Variants in GALNT7 observed in about 807,000 individuals in gnomAD.
GALNT7 encodes polypeptide N-acetylgalactosaminyltransferase 7.
A neutral mutation model predicts 82.1 loss-of-function variants in GALNT7; 60 were observed. That is an observed-to-expected ratio of 0.73 (90% CI 0.59 to 0.91). The LOEUF (loss-of-function observed/expected upper bound fraction) is 0.91, where lower values mean the gene tolerates loss of function less well. Among genes scored for constraint, GALNT7 ranks in the 40% least tolerant of loss-of-function variants. The pLI is 0.00. For synonymous variants in GALNT7, 243 were observed against 275.1 expected (o/e 0.88, Z 1.15); for missense variants, 660 against 804.2 (o/e 0.82, Z 2.17).
intron 2 of GALNT7, among the ~76,000 whole-genome samples, chr4:173,274,954 C>T (rs1735847903): frequency 6.6e-6 from 1 of 152,170 alleles, no homozygotes; most frequent in Admixed American, 6.5e-5. Context: ...GCAGCCAGTG[C>T]TTAGTGACTC....
Position 173,189,746 on chromosome 4 carries a change from T to G in GALNT7, c.126+20785T>G, listed in dbSNP as rs75133578. Among the ~76,000 whole-genome samples the G allele has an allele frequency of 5.3e-3, 802 of 152,354 alleles. 9 individuals are homozygous for G. The highest frequency in any genetic ancestry group is 0.019 in the African/African-American group (771 of 41,572). The stretch of plus-strand genomic sequence containing the variant: ...TTCTGTGTACAAAATTAACATTATC[T>G]ATCTTCAACATTTTTACTCCATATT... On this transcript the variant is annotated intron_variant, in intron 1 of 11. Coordinates refer to ENST00000265000, the MANE Select transcript of GALNT7 (RefSeq NM_017423.3).
intron 1 of GALNT7, among the ~76,000 whole-genome samples, chr4:173,205,354 G>A (rs1461807622): frequency 2.0e-5 from 3 of 152,034 alleles, no homozygotes; most frequent in African/African-American, 7.3e-5. Context: ...GGATGGGCCT[G>A]GTACCTAAGT....
intron 2 of GALNT7, among the ~76,000 whole-genome samples, chr4:173,290,317 C>T (rs1736488224): frequency 6.6e-6 from 1 of 152,132 alleles, no homozygotes; most frequent in African/African-American, 2.4e-5. Context: ...ATAATGTTTT[C>T]ATTCTTATTA....
At chr4:173,194,183 A>G (rs1271537900) in intron 1 of GALNT7, among the ~76,000 whole-genome samples, 1 of 152,234 alleles carries the variant, frequency 6.6e-6, no homozygotes, top group Admixed American at 6.5e-5. Flanking sequence ...AAGAGATAAT[A>G]GTAGGCTTAG....
chr4:173,286,165 T>G (rs570751289), intron 2 of GALNT7, among the ~76,000 whole-genome samples: 1 of 152,238 alleles, frequency 6.6e-6, no homozygotes, highest in East Asian at 1.9e-4. Context: ...TTAATTAAAA[T>G]TTTACAGAGA....
chr4:173,220,483 TG>T, intron 1 of GALNT7, among the ~76,000 whole-genome samples: 1 of 152,294 alleles, frequency 6.6e-6, no homozygotes, highest in South Asian at 2.1e-4. Flanking sequence ...AGCTCTTTTT[TG>T]GTTTTATTTC....
intron 1 of GALNT7, among the ~76,000 whole-genome samples, chr4:173,210,602 A>AT (rs962608177): frequency 3.1e-4 from 45 of 147,450 alleles, no homozygotes; most frequent in East Asian, 2.0e-3. Context: ...TACAGGCTAA[A>AT]TTTTTTTTTT....
At position 173,243,820 on chromosome 4, in the gene GALNT7, G is replaced by T. The variant is rs28590459; in HGVS notation, c.127-4160G>T. Among the ~76,000 whole-genome samples the T allele has an allele frequency of 5.7e-3, 864 of 152,212 alleles. 9 individuals carry two copies. Among genetic ancestry groups the T allele is most frequent in the Middle Eastern group, 0.021 (6 of 290 alleles). On this transcript the variant is annotated intron_variant, in intron 1 of 11. Transcript: ENST00000265000. ...GTTCTTGGTGAATTCATAAGGTATT[G>T]CCAGTACGGGTCTATCTGATTTAAG...
intron 11 of GALNT7, among the ~76,000 whole-genome samples, chr4:173,319,894 G>T (rs1737741844): frequency 1.3e-5 from 2 of 152,106 alleles, no homozygotes; most frequent in African/African-American, 4.8e-5. Flanking sequence ...TTTCATAGAG[G>T]AAGTGTCATT....
chr4:173,245,806 T>C (rs1734607712), intron 1 of GALNT7, among the ~76,000 whole-genome samples: 1 of 152,204 alleles, frequency 6.6e-6, no homozygotes, highest in African/African-American at 2.4e-5. Context: ...CCTTACACTT[T>C]ACTTAGTTAA....
At chr4:173,177,095 C>T (rs995497807) in intron 1 of GALNT7, among the ~76,000 whole-genome samples, 5 of 152,154 alleles carry the variant, frequency 3.3e-5, no homozygotes, top group Non-Finnish European at 7.3e-5. Flanking sequence ...AGCACTGGCT[C>T]TCAAACTTCT....
At chr4:173,268,078 A>G (rs1417548956) in intron 2 of GALNT7, 2 of 154,944 alleles carry the variant, frequency 1.3e-5, no homozygotes, top group Admixed American at 1.3e-4. Context: ...CTTAAGGTCA[A>G]CCTAAGATAA....
At chr4:173,266,056 G>C (rs1158501099) in intron 2 of GALNT7, among the ~76,000 whole-genome samples, 1 of 152,094 alleles carries the variant, frequency 6.6e-6, no homozygotes. Flanking sequence ...CCAGGATTTC[G>C]AGACCAGCCT....
At position 173,224,940 on chromosome 4, in the gene GALNT7, G is replaced by A. The variant is rs577559738; in HGVS notation, c.127-23040G>A. On this transcript the variant is annotated intron_variant, in intron 1 of 11. Coordinates refer to ENST00000265000, the MANE Select transcript of GALNT7 (RefSeq NM_017423.3). ...TGAGGCAGGAGAATGGTGTGAACCCGGGAGGCGGAGCTTGCAGTGAGCCGA... is the reference window on the plus strand; with the variant it reads ...TGAGGCAGGAGAATGGTGTGAACCCAGGAGGCGGAGCTTGCAGTGAGCCGA... 3.8e-4 allele frequency among the ~76,000 whole-genome samples: 58 copies of A among 151,734 alleles called. No homozygotes were observed. In the East Asian group the frequency reaches 6.6e-3, roughly 17 times the overall value.
rs1332696812 is a variant in GALNT7, at chr4:173,298,253, C to T, written c.1104C>T (p.Thr368=). 6.2e-7 allele frequency: 1 copy of T among 1,602,934 alleles called. No individual in the cohort carries two copies. The highest frequency in any genetic ancestry group is 8.5e-7 in the Non-Finnish European group (1 of 1,176,340). ...TGCTCTGGAAACGGGTGCCTCTGAC[C>T]CCTCAAGAGAAGAGACTGAGAAAGA... is the stretch of plus-strand genomic sequence containing the variant. ...WSMLWKRVPL[T]PQEKRLRKTK... The change falls in exon 6 of 12, where the codon ACC becomes ACT. Residue 368 remains threonine (T), a synonymous_variant. Transcript: ENST00000265000.
chr4:173,261,977 A>T (rs1735285766), intron 2 of GALNT7, among the ~76,000 whole-genome samples: 1 of 152,198 alleles, frequency 6.6e-6, no homozygotes, highest in African/African-American at 2.4e-5. Flanking sequence ...TACATATTTT[A>T]TGAAAATAAT....
At chr4:173,246,424 A>T (rs1370799908) in intron 1 of GALNT7, among the ~76,000 whole-genome samples, 1 of 152,226 alleles carries the variant, frequency 6.6e-6, no homozygotes, top group Non-Finnish European at 1.5e-5. Flanking sequence ...ATGTTTATAC[A>T]TGCATATCAC....
intron 10 of GALNT7, 133 bp downstream of exon 10, chr4:173,317,865 T>TA (rs1162765691): frequency 2.7e-5 from 17 of 619,050 alleles, no homozygotes; most frequent in Admixed American, 6.1e-5. Context: ...AAACATTCTG[T>TA]AAAAAAATTG....
At chr4:173,189,713 C>T (rs542793604) in intron 1 of GALNT7, among the ~76,000 whole-genome samples, 1 of 152,300 alleles carries the variant, frequency 6.6e-6, no homozygotes, top group South Asian at 2.1e-4. Flanking sequence ...TCCCTTGCTC[C>T]GAGGGAATTC....
Sources: allele counts gnomAD v4.1 joint callset (sites outside exome capture counted in the v4.1 genomes callset), GRCh38; gene constraint gnomAD v4.1.1; transcripts MANE v1.5; gene names NCBI Gene and HGNC (gene_info 2026-07-23, HGNC 2026-07-21).